Variants in LMF1 observed in about 807,000 individuals in gnomAD.
The protein encoded by LMF1 is transmembrane protein 112.
In LMF1, 68 loss-of-function variants were observed where a neutral mutation model predicts 60.6. The observed-to-expected ratio is 1.12, with a 90% CI of 0.92 to 1.37. The LOEUF is 1.37. Ranked by LOEUF, LMF1 falls within the 40% of genes most tolerant of loss-of-function variation. The pLI, the probability that LMF1 is intolerant of heterozygous loss-of-function variation, is 0.00. For synonymous variants in LMF1, 418 were observed against 324.7 expected, an observed-to-expected ratio of 1.29 and a Z score of -3.09; for missense variants, 948 against 767.2, an observed-to-expected ratio of 1.24 and a Z score of -2.78.
intron 10 of LMF1, chr16:855,517 T>TGAG (rs1163797550): frequency 1.7e-5 from 6 of 358,338 alleles, no homozygotes; most frequent in Non-Finnish European, 3.3e-5. Context: ...AGCCCCCTCA[T>TGAG]GTCCAGGGTT....
intron 4 of LMF1, among the ~76,000 whole-genome samples, chr16:907,478 G>A (rs190179096): frequency 1.8e-4 from 28 of 152,126 alleles, no homozygotes; most frequent in East Asian, 1.4e-3. Context: ...CAGCTCCGGC[G>A]GGCACAGAGG....
chr16:892,214 G>A lies in LMF1; in HGVS notation c.729+793C>T, dbSNP rs1374890832. On this transcript the variant is annotated intron_variant, in intron 5 of 10. Coordinates refer to ENST00000262301, the MANE Select transcript of LMF1 (RefSeq NM_022773.4). ...GGCAGTGAGACAGCCATCACTGGCT[G>A]TCGGCAGCAGGCAGACGATGATGGC... Among the ~76,000 whole-genome samples, 3 of 152,342 alleles carry A rather than the reference G, an allele frequency of 2.0e-5. No individual in the cohort carries two copies. In the South Asian group the frequency reaches 6.2e-4, roughly 32 times the overall value.
intron 3 of LMF1, among the ~76,000 whole-genome samples, chr16:915,752 T>C (rs1224699841): frequency 6.6e-6 from 1 of 152,178 alleles, no homozygotes; most frequent in East Asian, 1.9e-4. Flanking sequence ...CCAGCAGCCG[T>C]GTGGGACGAG....
rs754165819 is a variant in LMF1, at chr16:893,011, T to C, written c.725A>G (p.Tyr242Cys). The C allele has an allele frequency of 5.2e-6, 8 of 1,549,606 alleles. No homozygotes were observed. In the African/African-American group the frequency reaches 5.5e-5, roughly 11 times the overall value. The change falls in exon 5 of 11, where the codon TAT (tyrosine) becomes TGT (cysteine). Residue 242 changes from tyrosine to cysteine, a missense_variant. By Grantham distance (194) the Tyr-to-Cys change is radical (BLOSUM62 -2). Transcript: ENST00000262301. ...WRDLTCMDFH[Y>C]ETQPMPNPVA... ...CACGCTGCACGGCACGCTCACCTCATAGTGGAAGTCCATGCAGGTGAGGTC... is the reference window on the plus strand; with the variant it reads ...CACGCTGCACGGCACGCTCACCTCACAGTGGAAGTCCATGCAGGTGAGGTC...
At chr16:893,793 C>T (rs1018959119) in intron 4 of LMF1, among the ~76,000 whole-genome samples, 1 of 152,108 alleles carries the variant, frequency 6.6e-6, no homozygotes, top group African/African-American at 2.4e-5. Context: ...CTTCACAAGT[C>T]AGAAACAAAC....
intron 9 of LMF1, 195 bp downstream of exon 9, chr16:869,688 C>T: frequency 2.9e-6 from 2 of 678,298 alleles, no homozygotes; most frequent in East Asian, 2.7e-5. Context: ...TGGGGCTGGG[C>T]TCCCACATGA....
At chr16:964,854 G>A (rs898793183) in intron 1 of LMF1, among the ~76,000 whole-genome samples, 16 of 152,208 alleles carry the variant, frequency 1.1e-4, no homozygotes, top group African/African-American at 3.1e-4. Context: ...ATGGCACCGC[G>A]GCCCCACCTC....
rs76405090 is a variant in LMF1 at position 913,704 on chromosome 16, G to A, written c.515-2625C>T. ...TAACTGTACTGTGCCATTCACAGGC[G>A]TCTCGGGGCATCAGAAAAGGCAGAA... On this transcript the variant is annotated intron_variant, in intron 3 of 10. Transcript: ENST00000262301. Among the ~76,000 whole-genome samples the A allele has an allele frequency of 7.7e-3, 1,171 of 152,362 alleles. 15 individuals carry two copies. Among genetic ancestry groups the A allele is most frequent in the African/African-American group, 0.027 (1,107 of 41,588 alleles).
intron 3 of LMF1, among the ~76,000 whole-genome samples, chr16:926,650 G>A (rs560314564): frequency 1.1e-4 from 17 of 152,310 alleles, no homozygotes; most frequent in Non-Finnish European, 2.1e-4. Flanking sequence ...AAAAACAAGC[G>A]CCACCAAAGC....
Position 874,902 on chromosome 16 carries a change from C to T in LMF1, c.898-3561G>A, listed in dbSNP as rs1049991064. ...ACTCTCAGCCCCACACCATATCATC[C>T]CCCAGACACCCTCTGCCCTGTACGC... On this transcript the variant is annotated intron_variant, in intron 6 of 10. Transcript: ENST00000262301. The surrounding 1 kb of genome is among the most constrained non-coding windows in gnomAD (Gnocchi z 4.1). Among the ~76,000 whole-genome samples, 1 of 152,144 alleles carries T rather than the reference C, an allele frequency of 6.6e-6. No homozygotes were observed. Among genetic ancestry groups the T allele is most frequent in the Non-Finnish European group, 1.5e-5 (1 of 68,008 alleles).
chr16:923,541 G>T (rs1228213224), intron 3 of LMF1, among the ~76,000 whole-genome samples: 1 of 152,152 alleles, frequency 6.6e-6, no homozygotes, highest in Non-Finnish European at 1.5e-5. Context: ...AGCCCAGTAG[G>T]TTGAGACTAG....
intron 4 of LMF1, among the ~76,000 whole-genome samples, chr16:905,923 T>C (rs1214991122): frequency 3.3e-5 from 5 of 152,256 alleles, no homozygotes; most frequent in Non-Finnish European, 7.3e-5. Flanking sequence ...TCTTCTTTTA[T>C]GGTTAATTTT....
At chr16:963,451 C>T (rs754719826) in intron 1 of LMF1, among the ~76,000 whole-genome samples, 2 of 152,014 alleles carry the variant, frequency 1.3e-5, no homozygotes, top group Non-Finnish European at 1.5e-5. Flanking sequence ...TGCATGGATG[C>T]CCTGTGTCCA....
At chr16:912,038 C>G (rs79706441) in intron 3 of LMF1, among the ~76,000 whole-genome samples, 1,819 of 152,270 alleles carry the variant, frequency 0.012, 35 homozygotes, top group African/African-American at 0.041. Context: ...TCGCGTCTGT[C>G]AATGGAAGGT....
intron 4 of LMF1, among the ~76,000 whole-genome samples, chr16:896,023 C>T (rs1265869501): frequency 1.0e-4 from 5 of 48,752 alleles, no homozygotes; most frequent in African/African-American, 5.6e-4. Flanking sequence ...TCCACAGACA[C>T]GCCTCGGAGG....
rs1473553190 is a variant in LMF1, at chr16:924,030, G to GA, written c.514+10213dup. Among the ~76,000 whole-genome samples the GA allele has an allele frequency of 3.9e-5, 6 of 152,102 alleles. No homozygotes were observed. In the East Asian group the frequency reaches 9.6e-4, roughly 24 times the overall value. On this transcript the variant is annotated intron_variant, in intron 3 of 10. Transcript: ENST00000262301. Reference sequence around the variant, plus strand: ...CTCCAGGAAAAATGAAGAGTTATTAGAAAAAAAGTTACTATAGTTCACTAT... The same window carrying GA: ...CTCCAGGAAAAATGAAGAGTTATTAGAAAAAAAAGTTACTATAGTTCACTAT...
At chr16:888,257 C>T (rs575324188) in intron 5 of LMF1, among the ~76,000 whole-genome samples, 44 of 152,276 alleles carry the variant, frequency 2.9e-4, no homozygotes, top group African/African-American at 9.4e-4. Context: ...CCCTGTGCCG[C>T]GTCTGGGAAG....
chr16:947,980 T>TCAGAGCCAACGACAGAGTCAGCCAAC (rs1567294431), intron 2 of LMF1, among the ~76,000 whole-genome samples: 5 of 88,744 alleles, frequency 5.6e-5, no homozygotes, highest in African/African-American at 9.3e-5. Context: ...AGTCAGCCAA[T>TCAGAGCCAACGACAGAGTCAGCCAAC]GACAGAGTCA....
chr16:975,002 C>T (rs1163925219), upstream of LMF1, among the ~76,000 whole-genome samples: 1 of 152,080 alleles, frequency 6.6e-6, no homozygotes, highest in Non-Finnish European at 1.5e-5. Flanking sequence ...CCTGCTGTGA[C>T]TGTCCAGCGG....
Sources: allele counts gnomAD v4.1 joint callset (sites outside exome capture counted in the v4.1 genomes callset), GRCh38; gene constraint gnomAD v4.1.1; non-coding constraint Gnocchi (gnomAD v3.1); transcripts MANE v1.5; gene names NCBI Gene and HGNC (gene_info 2026-07-23, HGNC 2026-07-21).